Variants in TAFA1 observed in about 807,000 individuals in gnomAD.
The protein encoded by TAFA1 is chemokine-like protein TAFA-1.
In TAFA1, 4 loss-of-function variants were observed where a neutral mutation model predicts 18.5. That is an observed-to-expected ratio of 0.22 (90% CI 0.11 to 0.49). The LOEUF (loss-of-function observed/expected upper bound fraction) is 0.49. TAFA1 is among the 20% of genes least tolerant of loss of function. The pLI is 0.98. For synonymous variants in TAFA1, 56 were observed against 55.2 expected, an observed-to-expected ratio of 1.01 and a Z score of -0.06; for missense variants, 147 against 169.0, an observed-to-expected ratio of 0.87 and a Z score of 0.72.
chr3:68,068,178 A>G (rs553045674), intron 2 of TAFA1, among the ~76,000 whole-genome samples: 2 of 152,356 alleles, frequency 1.3e-5, no homozygotes, highest in East Asian at 3.9e-4. Context: ...AAAAGTTTCA[A>G]ACTGACCATT....
intron 2 of TAFA1, among the ~76,000 whole-genome samples, chr3:68,227,219 C>T (rs561871275): frequency 2.7e-4 from 41 of 152,180 alleles, no homozygotes; most frequent in Non-Finnish European, 2.9e-5. Flanking sequence ...TTGTATTTCT[C>T]GAATGTGGAT....
intron 2 of TAFA1, among the ~76,000 whole-genome samples, chr3:68,373,956 A>G (rs1281280219): frequency 6.6e-6 from 1 of 152,206 alleles, no homozygotes; most frequent in East Asian, 1.9e-4. Flanking sequence ...TGACAGGAAT[A>G]GAAACTCACT....
chr3:68,207,371 T>C (rs1216638423), intron 2 of TAFA1, among the ~76,000 whole-genome samples: 1 of 151,884 alleles, frequency 6.6e-6, no homozygotes, highest in Admixed American at 6.6e-5. Flanking sequence ...ATCAGAAAAA[T>C]TCATAAAAGT....
At chr3:68,212,192 G>T (rs1559560457) in intron 2 of TAFA1, among the ~76,000 whole-genome samples, 1 of 151,168 alleles carries the variant, frequency 6.6e-6, no homozygotes, top group Non-Finnish European at 1.5e-5. Flanking sequence ...GAGAGGAGGG[G>T]CAAATCAGAC....
At chr3:68,129,466 T>A (rs1195464906) in intron 2 of TAFA1, among the ~76,000 whole-genome samples, 2 of 152,198 alleles carry the variant, frequency 1.3e-5, no homozygotes, top group African/African-American at 2.4e-5. Context: ...GGATCATCAT[T>A]ACTACCTCAC....
At chr3:68,503,752 T>A (rs1038667989) in intron 3 of TAFA1, among the ~76,000 whole-genome samples, 6 of 152,130 alleles carry the variant, frequency 3.9e-5, no homozygotes, top group South Asian at 2.1e-4. Context: ...TGAAAACCTA[T>A]TAAGTTTCCA....
intron 2 of TAFA1, among the ~76,000 whole-genome samples, chr3:68,214,634 C>G (rs573882141): frequency 1.2e-3 from 184 of 152,046 alleles, no homozygotes; most frequent in African/African-American, 4.2e-3. Flanking sequence ...TCCTGGTTTT[C>G]AGATAAATAT....
In TAFA1 at chr3:68,437,905, C is replaced by T. The variant is rs1184839122; in HGVS notation, c.259+20485C>T. On this transcript the variant is annotated intron_variant, in intron 3 of 4. Transcript: ENST00000478136. ...TTCTAGCACCAACTCAAAAGTCCGT[C>T]TACTTTTTTGTGAAATCAAAACAAG... Among the ~76,000 whole-genome samples, 10 of 152,092 alleles carry T rather than the reference C, an allele frequency of 6.6e-5. No individual in the cohort carries two copies. In the South Asian group the frequency reaches 2.1e-3, roughly 32 times the overall value.
At chr3:68,322,211 A>G (rs951235891) in intron 2 of TAFA1, among the ~76,000 whole-genome samples, 4 of 152,266 alleles carry the variant, frequency 2.6e-5, no homozygotes, top group African/African-American at 4.8e-5. Flanking sequence ...TAAAGAAAGC[A>G]TACATATTTT....
chr3:68,210,275 A>G (rs2066579645), intron 2 of TAFA1, among the ~76,000 whole-genome samples: 1 of 151,972 alleles, frequency 6.6e-6, no homozygotes, highest in Admixed American at 6.6e-5. Flanking sequence ...GAAGGCCTGG[A>G]TTTTAGATTT....
intron 2 of TAFA1, among the ~76,000 whole-genome samples, chr3:68,415,791 A>T (rs542601817): frequency 1.3e-5 from 2 of 152,098 alleles, no homozygotes; most frequent in Non-Finnish European, 2.9e-5. Flanking sequence ...CATTTTACAG[A>T]TGAGGAAACT....
intron 3 of TAFA1, among the ~76,000 whole-genome samples, chr3:68,423,319 G>A (rs34067148): frequency 0.05 from 7,512 of 151,684 alleles, 380 homozygotes; most frequent in African/African-American, 0.12. Context: ...CATTTTATTC[G>A]CCAGGAAACT....
chr3:68,055,378 C>T (rs2064523569), intron 2 of TAFA1, among the ~76,000 whole-genome samples: 1 of 152,090 alleles, frequency 6.6e-6, no homozygotes, highest in Admixed American at 6.6e-5. Context: ...CAATAAACTC[C>T]ATTACCCAGC....
intron 3 of TAFA1, among the ~76,000 whole-genome samples, chr3:68,464,057 C>T (rs557004935): frequency 1.3e-5 from 2 of 152,240 alleles, no homozygotes; most frequent in Admixed American, 1.3e-4. Flanking sequence ...GATGTTATTT[C>T]ATTTTTATAG....
chr3:68,538,608 T>C lies in TAFA1; in HGVS notation c.260-148T>C, dbSNP rs1385902748. On this transcript the variant is annotated intron_variant, in intron 3 of 4. Coordinates refer to ENST00000478136, the MANE Select transcript of TAFA1 (RefSeq NM_213609.4). The stretch of plus-strand genomic sequence containing the variant: ...AGGCATATAAATTAAAATCTTATTT[T>C]TTTAATAGAGCTTTCTTAGCTAGTC... 12 of 663,628 alleles carry C rather than the reference T, an allele frequency of 1.8e-5. No individual in the cohort carries two copies. In the Admixed American group the frequency reaches 2.9e-4, roughly 16 times the overall value. 41.1% of individuals were successfully genotyped at this position (663,628 alleles called of 1,614,324 possible).
At chr3:68,537,867 T>C (rs1405224421) in intron 3 of TAFA1, among the ~76,000 whole-genome samples, 1 of 152,200 alleles carries the variant, frequency 6.6e-6, no homozygotes, top group African/African-American at 2.4e-5. Flanking sequence ...ACTAATTCAC[T>C]GAGACCATGA....
chr3:68,024,836 T>C (rs1338393991), intron 2 of TAFA1, among the ~76,000 whole-genome samples: 2 of 33,412 alleles, frequency 6.0e-5, no homozygotes, highest in Non-Finnish European at 9.0e-5. Context: ...CACACACAAT[T>C]ATACATTGTT....
intron 2 of TAFA1, among the ~76,000 whole-genome samples, chr3:68,188,518 TATATAG>T (rs1209397972): frequency 1.4e-5 from 2 of 146,978 alleles, no homozygotes; most frequent in African/African-American, 5.0e-5. Flanking sequence ...TATATATATA[TATATAG>T]AGAGAGAGAG....
In TAFA1 at chr3:68,407,421, A is replaced by G. The variant is rs74888301; in HGVS notation, c.119-9859A>G. Among the ~76,000 whole-genome samples the G allele has an allele frequency of 4.5e-3, 688 of 152,314 alleles. 3 individuals are homozygous for G. The highest frequency in any genetic ancestry group is 7.4e-3 in the Non-Finnish European group (504 of 68,026). On this transcript the variant is annotated intron_variant, in intron 2 of 4. Coordinates refer to ENST00000478136, the MANE Select transcript of TAFA1 (RefSeq NM_213609.4). ...CTTCAGCTTCCCTGAGCTAACAACT[A>G]AAATAAATACGTTGTATTCTACTGT...
Sources: gnomAD v4.1 joint callset for allele counts (sites outside exome capture counted in the v4.1 genomes callset) on GRCh38, gnomAD v4.1.1 for gene constraint, MANE v1.5 for transcripts, NCBI Gene and HGNC (gene_info 2026-07-23, HGNC 2026-07-21) for gene names.